SWT1: variants seen among roughly 807,000 people sequenced by gnomAD.
The protein encoded by SWT1 is SWT1 RNA endoribonuclease homolog.
A neutral mutation model predicts 107.3 loss-of-function variants in SWT1; 33 were observed. That is an observed-to-expected ratio of 0.31 (90% CI 0.23 to 0.41). The LOEUF is 0.41. Ranked by LOEUF, SWT1 falls within the 10% of genes least tolerant of loss-of-function variation. The pLI, the probability that SWT1 is intolerant of heterozygous loss-of-function variation, is 1.00. For missense variants in SWT1, 898 were observed against 1,028.9 expected, an observed-to-expected ratio of 0.87 and a Z score of 1.74; for synonymous variants, 345 against 348.3, an observed-to-expected ratio of 0.99 and a Z score of 0.11.
chr1:185,175,070 A>G lies in SWT1; in HGVS notation c.923A>G (p.His308Arg), dbSNP rs773843134. The G allele has an allele frequency of 2.5e-6, 4 of 1,581,800 alleles. No individual in the cohort carries two copies. Among genetic ancestry groups the G allele is most frequent in the Non-Finnish European group, 3.4e-6 (4 of 1,166,106 alleles). The change falls in exon 5 of 19, where the codon CAT (histidine) becomes CGT (arginine). Residue 308 changes from histidine to arginine, a missense_variant. Coordinates refer to ENST00000367500, the MANE Select transcript of SWT1 (RefSeq NM_017673.7). ...TGGAAACGAAAACATCATTATGACC[A>G]TCAAGAAAGTAATGATTCACATTCT... Reference protein sequence around the residue: ...HEWKRKHHYDHQESNDSHSRE... With the variant: ...HEWKRKHHYDRQESNDSHSRE...
intron 5 of SWT1, among the ~76,000 whole-genome samples, chr1:185,178,983 G>C (rs1193571985): frequency 6.6e-6 from 1 of 152,128 alleles, no homozygotes; most frequent in African/African-American, 2.4e-5. Context: ...TGTTTAAAGA[G>C]TGTTTGTGTG....
At chr1:185,188,963 CATTATT>C (rs1252291650) in intron 9 of SWT1, among the ~76,000 whole-genome samples, 2 of 151,964 alleles carry the variant, frequency 1.3e-5, no homozygotes, top group African/African-American at 4.8e-5. Flanking sequence ...CTACACATTG[CATTATT>C]ATTATTATTT....
chr1:185,240,224 A>G (rs184598727), intron 16 of SWT1, among the ~76,000 whole-genome samples: 15 of 152,222 alleles, frequency 9.9e-5, no homozygotes, highest in Admixed American at 9.8e-4. Context: ...GGTAGAAATT[A>G]TGTTTTAAAA....
chr1:185,194,626 G>T (rs1245776705), intron 10 of SWT1, among the ~76,000 whole-genome samples: 1 of 149,644 alleles, frequency 6.7e-6, no homozygotes, highest in Non-Finnish European at 1.5e-5. Flanking sequence ...ACTTTCTTTT[G>T]ACTTCCCTTC....
rs191358158 is a variant in SWT1, at chr1:185,186,916, G to A, written c.1429+1985G>A. On this transcript the variant is annotated intron_variant, in intron 9 of 18. Transcript: ENST00000367500. The stretch of plus-strand genomic sequence containing the variant: ...ATTACAGGTGTGCCCCACCATGCCT[G>A]GCTAATTTTTGTATTTTTAGTAGAG... Among the ~76,000 whole-genome samples the A allele has an allele frequency of 3.1e-3, 465 of 150,876 alleles. 2 individuals are homozygous for A. The highest frequency in any genetic ancestry group is 0.011 in the African/African-American group (442 of 41,040).
intron 15 of SWT1, among the ~76,000 whole-genome samples, chr1:185,229,872 T>C (rs1660381617): frequency 6.6e-6 from 1 of 152,170 alleles, no homozygotes; most frequent in Admixed American, 6.5e-5. Flanking sequence ...ATACCCTGAA[T>C]AGGCAAATCC....
At chr1:185,198,594 G>A (rs1657602624) in intron 10 of SWT1, among the ~76,000 whole-genome samples, 2 of 152,122 alleles carry the variant, frequency 1.3e-5, no homozygotes, top group Non-Finnish European at 2.9e-5. Context: ...CTAAGAACTT[G>A]CTTTATGAAT....
At chr1:185,216,048 C>G (rs1165260226) in intron 14 of SWT1, among the ~76,000 whole-genome samples, 7 of 152,088 alleles carry the variant, frequency 4.6e-5, no homozygotes, top group Non-Finnish European at 1.0e-4. Flanking sequence ...ATGAAGTAAT[C>G]AAAGGATTAG....
intron 10 of SWT1, among the ~76,000 whole-genome samples, chr1:185,196,989 G>T (rs975402538): frequency 6.6e-6 from 1 of 152,178 alleles, no homozygotes; most frequent in African/African-American, 2.4e-5. Context: ...CCCGTACTAT[G>T]TTGAATAGGA....
intron 15 of SWT1, chr1:185,227,357 G>A: frequency 1.4e-6 from 1 of 724,086 alleles, no homozygotes; most frequent in Non-Finnish European, 2.5e-6. Flanking sequence ...TCTTGTCCAT[G>A]CCAAACCTAT....
At chr1:185,202,520 A>G (rs1558036139) in intron 10 of SWT1, 134 bp from the exon 11 acceptor site, 3 of 597,760 alleles carry the variant, frequency 5.0e-6, no homozygotes, top group South Asian at 2.7e-5. Context: ...TTTTTTTAAA[A>G]AAGTTGTTAT....
intron 5 of SWT1, chr1:185,176,559 A>G: frequency 1.0e-6 from 1 of 979,972 alleles, no homozygotes; most frequent in Non-Finnish European, 1.2e-6. Context: ...TTCTATGTCA[A>G]ATAAAGTTAC....
In SWT1 at chr1:185,206,691, G is replaced by A. The variant is rs1658360487; in HGVS notation, c.1900G>A (p.Ala634Thr). The A allele has an allele frequency of 6.2e-7, 1 of 1,608,514 alleles. No homozygotes were observed. The highest frequency in any genetic ancestry group is 8.5e-7 in the Non-Finnish European group (1 of 1,176,500). ...ACAGTGCTTTAAAAAACATTGGTTG[G>A]CTGTATTTGGATTAGTTATGGAAAA... ...LLQCFKKHWL[A>T]VFGLVMEKNL... The change falls in exon 13 of 19, where the codon GCT becomes ACT. Residue 634 changes from alanine (A) to threonine (T), a missense_variant. By Grantham distance (58) the Ala-to-Thr change is moderately conservative (BLOSUM62 0). Transcript: ENST00000367500.
At chr1:185,193,862 T>C (rs1362586954) in intron 10 of SWT1, among the ~76,000 whole-genome samples, 1 of 152,204 alleles carries the variant, frequency 6.6e-6, no homozygotes, top group East Asian at 1.9e-4. Context: ...TCTATTTGTT[T>C]TGCTTCGTGT....
At chr1:185,161,138 G>C (rs1267287965) in intron 2 of SWT1, among the ~76,000 whole-genome samples, 2 of 152,152 alleles carry the variant, frequency 1.3e-5, no homozygotes, top group Non-Finnish European at 2.9e-5. Context: ...CAATTACACA[G>C]ATGAAGAAAC....
At chr1:185,180,261 A>G in intron 5 of SWT1, 130 bp from the exon 6 acceptor site, 1 of 690,914 alleles carries the variant, frequency 1.4e-6, no homozygotes, top group Non-Finnish European at 2.6e-6. Flanking sequence ...TGATGCTGCT[A>G]ACCATCCTGC....
chr1:185,184,981 C>T, intron 9 of SWT1, 50 bp downstream of exon 9: 2 of 1,266,658 alleles, frequency 1.6e-6, no homozygotes, highest in Non-Finnish European at 2.1e-6. Flanking sequence ...TGTTTGGGTG[C>T]AGACTCATTA....
intron 9 of SWT1, among the ~76,000 whole-genome samples, chr1:185,189,679 T>C (rs1191942843): frequency 1.3e-5 from 2 of 152,156 alleles, no homozygotes; most frequent in African/African-American, 4.8e-5. Flanking sequence ...ACCATTTTAA[T>C]AGCGAACTAA....
At chr1:185,223,755 G>T (rs1216179228) in intron 15 of SWT1, among the ~76,000 whole-genome samples, 1 of 151,992 alleles carries the variant, frequency 6.6e-6, no homozygotes. Flanking sequence ...CAGGCATTAG[G>T]CCTAGTACCC....
Sources: allele counts gnomAD v4.1 joint callset (sites outside exome capture counted in the v4.1 genomes callset), GRCh38; gene constraint gnomAD v4.1.1; transcripts MANE v1.5; gene names NCBI Gene and HGNC (gene_info 2026-07-23, HGNC 2026-07-21).